Variants in GALNTL6 observed in about 807,000 individuals in gnomAD.
GALNTL6 encodes polypeptide N-acetylgalactosaminyltransferase like 6, also known as polypeptide N-acetylgalactosaminyltransferase-like 6.
GALNTL6 carries 46 observed loss-of-function variants against 73.7 expected under a neutral mutation model. That is an observed-to-expected ratio of 0.62 (90% CI 0.49 to 0.80). GALNTL6 has a LOEUF of 0.80. Ranked by LOEUF, GALNTL6 falls within the 30% of genes least tolerant of loss-of-function variation. GALNTL6 has a pLI of 0.00. For missense variants in GALNTL6, 604 were observed against 755.0 expected, an observed-to-expected ratio of 0.80 and a Z score of 2.34; for synonymous variants, 259 against 263.7, an observed-to-expected ratio of 0.98 and a Z score of 0.17.
intron 2 of GALNTL6, among the ~76,000 whole-genome samples, chr4:171,968,736 T>C (rs1739464651): frequency 6.6e-6 from 1 of 151,954 alleles, no homozygotes; most frequent in Non-Finnish European, 1.5e-5. Context: ...TCCACCTTCC[T>C]GTCTTGCCAG....
At chr4:172,135,364 T>C (rs1216775206) in intron 2 of GALNTL6, among the ~76,000 whole-genome samples, 1 of 151,664 alleles carries the variant, frequency 6.6e-6, no homozygotes, top group East Asian at 1.9e-4. Context: ...AAGACACTGA[T>C]GACACATCCA....
At chr4:172,684,942 G>T (rs13116566) in intron 5 of GALNTL6, among the ~76,000 whole-genome samples, 10,016 of 152,100 alleles carry the variant, frequency 0.066, 389 homozygotes, top group South Asian at 0.14. Flanking sequence ...ACTCTAGCTG[G>T]AATGTAAGTC....
chr4:172,736,943 C>T (rs763691749), intron 5 of GALNTL6, among the ~76,000 whole-genome samples: 9 of 152,166 alleles, frequency 5.9e-5, no homozygotes, highest in East Asian at 1.9e-4. Flanking sequence ...CTATCTAAGA[C>T]GTGCCTTTGT....
intron 5 of GALNTL6, among the ~76,000 whole-genome samples, chr4:172,440,419 A>G (rs186370206): frequency 1.3e-5 from 2 of 152,258 alleles, no homozygotes; most frequent in African/African-American, 4.8e-5. Flanking sequence ...GCTATATGAC[A>G]TAATGGAAAA....
chr4:172,585,019 G>T (rs1036267339), intron 5 of GALNTL6, among the ~76,000 whole-genome samples: 2 of 152,106 alleles, frequency 1.3e-5, no homozygotes, highest in African/African-American at 4.8e-5. Context: ...GACATAAAAT[G>T]CACTGTTTCT....
intron 2 of GALNTL6, among the ~76,000 whole-genome samples, chr4:171,986,361 T>C (rs1458993986): frequency 2.0e-5 from 3 of 152,024 alleles, no homozygotes; most frequent in African/African-American, 7.2e-5. Context: ...GGAGAAGGAA[T>C]CTCACAAGAC....
At chr4:172,301,540 G>A (rs571329060) in intron 3 of GALNTL6, among the ~76,000 whole-genome samples, 1 of 152,180 alleles carries the variant, frequency 6.6e-6, no homozygotes, top group African/African-American at 2.4e-5. Flanking sequence ...GTACAGATGG[G>A]GTTTTGGTGT....
intron 2 of GALNTL6, among the ~76,000 whole-genome samples, chr4:172,166,525 G>T (rs1734630843): frequency 6.6e-6 from 1 of 152,032 alleles, no homozygotes; most frequent in Admixed American, 6.6e-5. Flanking sequence ...ATTAAAGCTT[G>T]GTAAACAAAC....
chr4:172,620,965 A>G (rs538368184), intron 5 of GALNTL6, among the ~76,000 whole-genome samples: 142 of 152,292 alleles, frequency 9.3e-4, no homozygotes, highest in Non-Finnish European at 1.7e-3. Flanking sequence ...GAAGAGATGC[A>G]TCTTTGGGTG....
intron 5 of GALNTL6, among the ~76,000 whole-genome samples, chr4:172,677,053 T>C (rs1732342629): frequency 6.6e-6 from 1 of 152,212 alleles, no homozygotes; most frequent in African/African-American, 2.4e-5. Context: ...CTTACTACTG[T>C]CCTTGTGTTA....
intron 5 of GALNTL6, among the ~76,000 whole-genome samples, chr4:172,790,705 A>G (rs1739943672): frequency 6.6e-6 from 1 of 152,112 alleles, no homozygotes; most frequent in Admixed American, 6.6e-5. Context: ...AGCCTGGCCA[A>G]CATGGTGAAA....
intron 5 of GALNTL6, among the ~76,000 whole-genome samples, chr4:172,708,567 A>C (rs896477774): frequency 3.0e-4 from 45 of 152,196 alleles, no homozygotes; most frequent in African/African-American, 1.0e-3. Flanking sequence ...CTTGTCTGCA[A>C]AATAAGAATT....
In GALNTL6 at chr4:172,754,131, T is replaced by G. The variant is rs542263532; in HGVS notation, c.554-55230T>G. The stretch of plus-strand genomic sequence containing the variant: ...GGTGGAAATATTTTGGAATATTGTG[T>G]AGGTCTTCTTATCACTCAAACTCCT... On this transcript the variant is annotated intron_variant, in intron 5 of 12. Transcript: ENST00000506823. 5.6e-4 allele frequency among the ~76,000 whole-genome samples: 85 copies of G among 152,366 alleles called. No individual in the cohort carries two copies. The South Asian group carries it at 7.2e-3, about 13-fold the overall frequency.
chr4:172,178,664 T>A (rs2110846014), intron 2 of GALNTL6, among the ~76,000 whole-genome samples: 1 of 151,278 alleles, frequency 6.6e-6, no homozygotes, highest in East Asian at 1.9e-4. Context: ...TTTTTTTTTT[T>A]TTTATTATAC....
intron 2 of GALNTL6, among the ~76,000 whole-genome samples, chr4:171,982,321 G>A (rs1046592293): frequency 3.3e-5 from 5 of 152,004 alleles, no homozygotes; most frequent in African/African-American, 4.8e-5. Flanking sequence ...TTTTTGATAC[G>A]GAGTCTCGCT....
rs1554015246 is a variant in GALNTL6, at chr4:172,339,257, C to CCACACACACACT, written c.387-9255_387-9254insTCACACACACAC. On this transcript the variant is annotated intron_variant, in intron 4 of 12. Coordinates refer to ENST00000506823, the MANE Select transcript of GALNTL6 (RefSeq NM_001034845.3). ...GGCACCCAGCAAACACACACACACACCACACACACACACACACACACACAC... is the reference window on the plus strand; with the variant it reads ...GGCACCCAGCAAACACACACACACACCACACACACACTCACACACACACACACACACACACAC... 1.2e-3 allele frequency among the ~76,000 whole-genome samples: 149 copies of CCACACACACACT among 121,006 alleles called. 1 individual carries two copies. The highest frequency in any genetic ancestry group is 1.6e-3 in the Non-Finnish European group (95 of 58,764). The allele number at this position is 121,006 out of a possible 152,430, so 79.4% of individuals were successfully genotyped here.
intron 5 of GALNTL6, among the ~76,000 whole-genome samples, chr4:172,435,475 T>C (rs1389134842): frequency 1.3e-5 from 2 of 152,148 alleles, no homozygotes; most frequent in African/African-American, 2.4e-5. Flanking sequence ...GAGACGTTGA[T>C]GAGTGGGCGT....
chr4:172,156,540 A>ATATATGT (rs58197299), intron 2 of GALNTL6, among the ~76,000 whole-genome samples: 2 of 125,186 alleles, frequency 1.6e-5, no homozygotes, highest in African/African-American at 6.8e-5. Context: ...ATATATATAT[A>ATATATGT]ATATATATAT....
intron 2 of GALNTL6, among the ~76,000 whole-genome samples, chr4:171,870,109 G>A (rs116652846): frequency 0.01 from 1,584 of 152,272 alleles, 30 homozygotes; most frequent in African/African-American, 0.036. Flanking sequence ...AGATCATGCA[G>A]GACGTATTCG....
Sources: allele counts gnomAD v4.1 joint callset (sites outside exome capture counted in the v4.1 genomes callset), GRCh38; gene constraint gnomAD v4.1.1; transcripts MANE v1.5; gene names NCBI Gene and HGNC (gene_info 2026-07-23, HGNC 2026-07-21).